TSPEAR: variants seen among roughly 807,000 people sequenced by gnomAD.
TSPEAR encodes the protein thrombospondin type laminin G domain and EAR repeats, also known as thrombospondin-type laminin G domain and EAR repeat-containing protein.
Under a neutral mutation model 71.6 loss-of-function variants are expected in TSPEAR, and 69 were observed. That is an observed-to-expected ratio of 0.96 (90% CI 0.79 to 1.18). The LOEUF (loss-of-function observed/expected upper bound fraction) is 1.18, where lower values mean the gene tolerates loss of function less well. Among genes scored for constraint, TSPEAR ranks in the 50% most tolerant of loss-of-function variants. TSPEAR has a pLI of 0.00. For synonymous variants in TSPEAR, 402 were observed against 387.2 expected, an observed-to-expected ratio of 1.04 and a Z score of -0.45; for missense variants, 971 against 894.9, an observed-to-expected ratio of 1.09 and a Z score of -1.09.
chr21:44,541,623 G>A (rs7275248), intron 2 of TSPEAR, among the ~76,000 whole-genome samples: 2,414 of 152,304 alleles, frequency 0.016, 63 homozygotes, highest in African/African-American at 0.056. Context: ...GCTGAGCAGA[G>A]CTTTTAGTAG....
chr21:44,570,100 C>A (rs2053770772), intron 1 of TSPEAR, among the ~76,000 whole-genome samples: 1 of 152,166 alleles, frequency 6.6e-6, no homozygotes, highest in African/African-American at 2.4e-5. Flanking sequence ...CCAGGGGCCA[C>A]CTCCTCAATG....
intron 8 of TSPEAR, among the ~76,000 whole-genome samples, chr21:44,524,332 T>G (rs1484213307): frequency 6.6e-6 from 1 of 151,586 alleles, no homozygotes; most frequent in Non-Finnish European, 1.5e-5. Context: ...GTCAGTCAGA[T>G]AGTAAGTCAG....
intron 1 of TSPEAR, among the ~76,000 whole-genome samples, chr21:44,590,330 G>A (rs371934588): frequency 0.031 from 4,721 of 150,342 alleles, 251 homozygotes; most frequent in African/African-American, 0.11. Context: ...ACAGAGCTGA[G>A]GGCTATTTGG....
chr21:44,677,747 A>G, intron 1 of TSPEAR: 2 of 1,367,352 alleles, frequency 1.5e-6, no homozygotes, highest in Non-Finnish European at 1.0e-6. Flanking sequence ...CTTCTGATAC[A>G]CTAGAGATTT....
At chr21:44,649,895 G>A (rs137977508) in intron 1 of TSPEAR, among the ~76,000 whole-genome samples, 13 of 152,264 alleles carry the variant, frequency 8.5e-5, no homozygotes, top group East Asian at 3.9e-4. Context: ...GCTTTGCACC[G>A]ACCTCTTTCC....
At chr21:44,653,486 G>A (rs1200325744) in intron 1 of TSPEAR, among the ~76,000 whole-genome samples, 1 of 152,112 alleles carries the variant, frequency 6.6e-6, no homozygotes, top group Admixed American at 6.5e-5. Flanking sequence ...TATAGTCCTC[G>A]GTAAAACTTC....
At chr21:44,580,097 G>C (rs782225931) in intron 1 of TSPEAR, 1 of 1,613,710 alleles carries the variant, frequency 6.2e-7, no homozygotes, top group Admixed American at 1.7e-5. Context: ...GGTGCAGCAA[G>C]TCGGCTGGCA....
intron 9 of TSPEAR, chr21:44,517,637 G>C: frequency 2.5e-6 from 1 of 398,978 alleles, no homozygotes; most frequent in Admixed American, 2.8e-5. Context: ...CTCCTTGTCT[G>C]ACTTGATATG....
intron 8 of TSPEAR, among the ~76,000 whole-genome samples, chr21:44,524,124 C>T (rs111067113): frequency 0.044 from 6,524 of 147,506 alleles, 481 homozygotes; most frequent in African/African-American, 0.16. Context: ...GTCAGATAGT[C>T]AGTCAGTCAG....
intron 1 of TSPEAR, chr21:44,697,981 TC>T: frequency 6.3e-7 from 1 of 1,582,282 alleles, no homozygotes; most frequent in Non-Finnish European, 8.6e-7. Context: ...GCCAGGCATG[TC>T]CCCCAGGGCC....
chr21:44,676,886 G>A, intron 1 of TSPEAR: 1 of 884,144 alleles, frequency 1.1e-6, no homozygotes. Context: ...TGTTCTGCTA[G>A]CTCTCTGTTC....
At chr21:44,650,481 A>G (rs9974496) in intron 1 of TSPEAR, among the ~76,000 whole-genome samples, 3,134 of 29,074 alleles carry the variant, frequency 0.11, 106 homozygotes, top group African/African-American at 0.33. Flanking sequence ...GTGATGACGG[A>G]GGCAGAGATT....
At chr21:44,690,557 A>G (rs1369345659) in intron 1 of TSPEAR, 57 of 985,052 alleles carry the variant, frequency 5.8e-5, no homozygotes, top group Non-Finnish European at 6.5e-5. Context: ...AACAACACTC[A>G]TGATGTCCGG....
At position 44,574,186 on chromosome 21, in the gene TSPEAR, C is replaced by T. The variant is rs782354453; in HGVS notation, c.83-6181G>A. ...TGCTGCCAGCAGTCTAGCTGCCAGT[C>T]AGCTTGCTGCACCTCCTCCCCCTGC... On this transcript the variant is annotated intron_variant, in intron 1 of 11. Coordinates refer to ENST00000323084, the MANE Select transcript of TSPEAR (RefSeq NM_144991.3). The T allele has an allele frequency of 8.7e-6, 14 of 1,609,734 alleles. No homozygotes were observed. In the African/African-American group the frequency reaches 1.5e-4, roughly 17 times the overall value.
chr21:44,515,181 A>C (rs763631708), intron 9 of TSPEAR, among the ~76,000 whole-genome samples: 10 of 152,254 alleles, frequency 6.6e-5, no homozygotes, highest in Admixed American at 2.0e-4. Context: ...CATCTCTAGG[A>C]CCTAAAAGGA....
At chr21:44,528,039 T>C (rs1344355816) in intron 6 of TSPEAR, among the ~76,000 whole-genome samples, 1 of 152,130 alleles carries the variant, frequency 6.6e-6, no homozygotes, top group Non-Finnish European at 1.5e-5. Flanking sequence ...CGGGCCACCC[T>C]ACCAAGGAGG....
intron 7 of TSPEAR, 178 bp from the exon 8 acceptor site, chr21:44,526,017 G>A (rs879973556): frequency 3.3e-5 from 19 of 571,910 alleles, no homozygotes; most frequent in East Asian, 1.1e-4. Context: ...GCGCAGAGCC[G>A]GTCATTACAT....
intron 1 of TSPEAR, among the ~76,000 whole-genome samples, chr21:44,692,314 TCAC>T (rs1987155841): frequency 6.6e-6 from 1 of 152,222 alleles, no homozygotes; most frequent in Non-Finnish European, 1.5e-5. Flanking sequence ...ATGTCCCTTT[TCAC>T]CACCAATATT....
At position 44,546,716 on chromosome 21, in the gene TSPEAR, G is replaced by A. The variant is rs2053309596; in HGVS notation, c.304-12793C>T. ...CTGCCGCTGTACCCCAAGCCAGCATGTGAAATATGTCATCCCAATGCCTCT... is the reference window on the plus strand; with the variant it reads ...CTGCCGCTGTACCCCAAGCCAGCATATGAAATATGTCATCCCAATGCCTCT... On this transcript the variant is annotated intron_variant, in intron 2 of 11. Coordinates refer to ENST00000323084, the MANE Select transcript of TSPEAR (RefSeq NM_144991.3). This position sits in a 1 kb window ranked among gnomAD's most constrained non-coding sequence, Gnocchi z 4.4. Among the ~76,000 whole-genome samples, 1 of 152,240 alleles carries A rather than the reference G, an allele frequency of 6.6e-6. No homozygotes were observed. Among genetic ancestry groups the A allele is most frequent in the Non-Finnish European group, 1.5e-5 (1 of 68,046 alleles).
Sources: allele counts gnomAD v4.1 joint callset (sites outside exome capture counted in the v4.1 genomes callset), GRCh38; gene constraint gnomAD v4.1.1; non-coding constraint Gnocchi (gnomAD v3.1); transcripts MANE v1.5; gene names NCBI Gene and HGNC (gene_info 2026-07-23, HGNC 2026-07-21).